Variants in PROSER2 observed in about 807,000 individuals in gnomAD.
The protein encoded by PROSER2 is proline and serine rich 2.
A neutral mutation model predicts 14.6 loss-of-function variants in PROSER2; 18 were observed. The ratio of observed to expected loss-of-function variants is 1.23; its 90% CI spans 0.85 to 1.83. The LOEUF is 1.83. Among genes scored for constraint, PROSER2 ranks in the 40% most tolerant of loss-of-function variants. The pLI, the probability that PROSER2 is intolerant of heterozygous loss-of-function variation, is 0.00. For missense variants in PROSER2, 823 were observed against 629.8 expected (o/e 1.31, Z -3.28); for synonymous variants, 367 against 286.4 (o/e 1.28, Z -2.84).
intron 1 of PROSER2, among the ~76,000 whole-genome samples, chr10:11,829,306 C>G (rs574059118): frequency 6.6e-6 from 1 of 151,182 alleles, no homozygotes; most frequent in African/African-American, 2.4e-5. Context: ...ATTACATACC[C>G]GGGCATGCTA....
At position 11,870,056 on chromosome 10, in the gene PROSER2, CG is replaced by C; in HGVS notation, c.962del (p.Gly321AlafsTer32). On this transcript the variant is annotated frameshift_variant, in exon 4 of 4. Transcript: ENST00000277570. LOFTEE classifies it low-confidence loss of function (END_TRUNC). Reference sequence around the variant, plus strand: ...CTCCCCGGAGCGGGTGGCGCGTGGCCGGGGCCTGCCGGGCCCCGCTGAGAGT... The same window carrying C: ...CTCCCCGGAGCGGGTGGCGCGTGGCCGGGCCTGCCGGGCCCCGCTGAGAGT... ...GSSPERVARG[R>X]GLPGPAESLR... 1 of 1,241,820 alleles carries C rather than the reference CG, an allele frequency of 8.1e-7. No homozygotes were observed. Among genetic ancestry groups the C allele is most frequent in the Non-Finnish European group, 1.0e-6 (1 of 993,088 alleles). The allele number at this position is 1,241,820 out of a possible 1,614,324, so 76.9% of individuals were successfully genotyped here. A position where few individuals can be genotyped will look rare whatever the true frequency, so the allele number is the denominator to read the frequency against.
intron 2 of PROSER2, among the ~76,000 whole-genome samples, chr10:11,852,419 C>T (rs192040331): frequency 6.6e-6 from 1 of 152,160 alleles, no homozygotes; most frequent in Non-Finnish European, 1.5e-5. Flanking sequence ...AGCCATGGAG[C>T]AAATCCCTCG....
At chr10:11,839,714 A>G (rs1441389838) in intron 1 of PROSER2, among the ~76,000 whole-genome samples, 2 of 151,004 alleles carry the variant, frequency 1.3e-5, no homozygotes, top group African/African-American at 4.9e-5. Flanking sequence ...AATCCCAGCT[A>G]CTCGGGAGGC....
chr10:11,827,452 C>T (rs1833631638), intron 1 of PROSER2, among the ~76,000 whole-genome samples: 2 of 152,080 alleles, frequency 1.3e-5, no homozygotes, highest in African/African-American at 2.4e-5. Flanking sequence ...CCTAAAGCTT[C>T]ATTCTGTTGT....
Position 11,866,801 on chromosome 10 carries a change from C to T in PROSER2, c.391+18C>T. 1 of 1,603,236 alleles carries T rather than the reference C, an allele frequency of 6.2e-7. No homozygotes were observed. Among genetic ancestry groups the T allele is most frequent in the Non-Finnish European group, 8.5e-7 (1 of 1,176,874 alleles). ...GGCAGCAGGTGAGGGGGAAGACAGGCCATCCCTGGGATGTGGTTTCCTGGT... is the reference window on the plus strand; with the variant it reads ...GGCAGCAGGTGAGGGGGAAGACAGGTCATCCCTGGGATGTGGTTTCCTGGT... On this transcript the variant is annotated intron_variant, in intron 3 of 3. Coordinates refer to ENST00000277570, the MANE Select transcript of PROSER2 (RefSeq NM_153256.4). The surrounding 1 kb of genome is among the most constrained non-coding windows in gnomAD (Gnocchi z 6.0).
At chr10:11,858,797 T>G (rs1588496242) in intron 2 of PROSER2, among the ~76,000 whole-genome samples, 1 of 148,566 alleles carries the variant, frequency 6.7e-6, no homozygotes, top group African/African-American at 2.5e-5. Flanking sequence ...GATCACAAGG[T>G]CAGGAGTTCG....
intron 2 of PROSER2, among the ~76,000 whole-genome samples, chr10:11,861,554 C>T (rs985562469): frequency 1.3e-5 from 2 of 152,078 alleles, no homozygotes; most frequent in Non-Finnish European, 2.9e-5. Context: ...GAGATGCAGC[C>T]GTGCACGGAT....
intron 1 of PROSER2, among the ~76,000 whole-genome samples, chr10:11,834,377 C>G (rs1833729585): frequency 6.6e-6 from 1 of 152,038 alleles, no homozygotes; most frequent in South Asian, 2.1e-4. Flanking sequence ...TCTAGAGAGA[C>G]ACTTTTTAAA....
intron 1 of PROSER2, among the ~76,000 whole-genome samples, chr10:11,826,823 G>A (rs1045624060): frequency 5.3e-5 from 8 of 151,136 alleles, no homozygotes; most frequent in South Asian, 2.1e-4. Context: ...CTCGTGATCC[G>A]CCGGCTTCGG....
intron 3 of PROSER2, among the ~76,000 whole-genome samples, chr10:11,868,152 C>T (rs1296830504): frequency 6.6e-6 from 1 of 152,160 alleles, no homozygotes. Context: ...AAATAGAGTT[C>T]CAAAAGTAAT....
At position 11,862,990 on chromosome 10, in the gene PROSER2, A is replaced by T. The variant is rs1834272934; in HGVS notation, c.139-3541A>T. ...TCGGAAAGCTGTGTCCACCCACCCA[A>T]GCAGACACACATCTTCAGACCCGGC... On this transcript the variant is annotated intron_variant, in intron 2 of 3. Coordinates refer to ENST00000277570, the MANE Select transcript of PROSER2 (RefSeq NM_153256.4). This position sits in a 1 kb window ranked among gnomAD's most constrained non-coding sequence, Gnocchi z 4.2. 1 of 152,158 alleles carries T rather than the reference A, an allele frequency of 6.6e-6. No individual in the cohort carries two copies. The highest frequency in any genetic ancestry group is 1.5e-5 in the Non-Finnish European group (1 of 68,020). 9.4% of individuals were successfully genotyped at this position (152,158 alleles called of 1,614,324 possible). A position where few individuals can be genotyped will look rare whatever the true frequency, so the allele number is the denominator to read the frequency against.
chr10:11,849,051 G>T (rs903825126), intron 1 of PROSER2, among the ~76,000 whole-genome samples: 1 of 150,262 alleles, frequency 6.7e-6, no homozygotes, highest in Non-Finnish European at 1.5e-5. Context: ...GCTGGGCGTG[G>T]TGGCGCATGC....
chr10:11,857,179 G>C (rs1196784733), intron 2 of PROSER2: 1 of 152,152 alleles, frequency 6.6e-6, no homozygotes, highest in Non-Finnish European at 1.5e-5. Context: ...GGGTCTCGGA[G>C]CGCCTCAAAT....
chr10:11,838,079 T>C lies in PROSER2; in HGVS notation c.-81-13918T>C, dbSNP rs370330518. 6.6e-6 allele frequency among the ~76,000 whole-genome samples: 1 copy of C among 152,152 alleles called. No homozygotes were observed. The highest frequency in any genetic ancestry group is 2.4e-5 in the African/African-American group (1 of 41,428). ...TGAAATGACCTGATAAATCATTTCT[T>C]TAACCTCCAGGAAACCTTTCCTTTC... On this transcript the variant is annotated intron_variant, in intron 1 of 3. Coordinates refer to ENST00000277570, the MANE Select transcript of PROSER2 (RefSeq NM_153256.4). The surrounding 1 kb of genome is among the most constrained non-coding windows in gnomAD (Gnocchi z 4.4).
chr10:11,837,138 A>G lies in PROSER2; in HGVS notation c.-82+13668A>G. 6.6e-6 allele frequency among the ~76,000 whole-genome samples: 1 copy of G among 152,120 alleles called. No individual in the cohort carries two copies. The highest frequency in any genetic ancestry group is 1.5e-5 in the Non-Finnish European group (1 of 68,040). On this transcript the variant is annotated intron_variant, in intron 1 of 3. Coordinates refer to ENST00000277570, the MANE Select transcript of PROSER2 (RefSeq NM_153256.4). This position sits in a 1 kb window ranked among gnomAD's most constrained non-coding sequence, Gnocchi z 4.6. ...AGAAGAGGCATGATGCTGGCTGGTAATTTGTATATGCTGAAGAGAAGCTAC... is the reference window on the plus strand; with the variant it reads ...AGAAGAGGCATGATGCTGGCTGGTAGTTTGTATATGCTGAAGAGAAGCTAC...
At chr10:11,846,600 G>C (rs1231205560) in intron 1 of PROSER2, among the ~76,000 whole-genome samples, 1 of 152,048 alleles carries the variant, frequency 6.6e-6, no homozygotes, top group Non-Finnish European at 1.5e-5. Flanking sequence ...TTATTTTTTA[G>C]GTCGATAGCA....
In PROSER2 at chr10:11,870,153, T is replaced by TG. The variant is rs1420315312; in HGVS notation, c.1056dup (p.Lys353GlufsTer140). 17 of 1,455,440 alleles carry TG rather than the reference T, an allele frequency of 1.2e-5. No homozygotes were observed. Among genetic ancestry groups the TG allele is most frequent in the Non-Finnish European group, 1.3e-5 (14 of 1,111,140 alleles). The allele number at this position is 1,455,440 out of a possible 1,614,324, so 90.2% of individuals were successfully genotyped here. A position where few individuals can be genotyped will look rare whatever the true frequency, so the allele number is the denominator to read the frequency against. Reference sequence around the variant, plus strand: ...GGCTTCCCAAGTGCGCACGAGGCCCTGAAGAGCGCACCCAGCTCCTTCGCG... The same window carrying TG: ...GGCTTCCCAAGTGCGCACGAGGCCCTGGAAGAGCGCACCCAGCTCCTTCGCG... On this transcript the variant is annotated frameshift_variant, in exon 4 of 4. Transcript: ENST00000277570. LOFTEE classifies it low-confidence loss of function (END_TRUNC).
intron 1 of PROSER2, among the ~76,000 whole-genome samples, chr10:11,828,465 G>A (rs548841079): frequency 1.3e-5 from 2 of 152,222 alleles, no homozygotes; most frequent in Admixed American, 1.3e-4. Context: ...ACTATGGGAG[G>A]CCAAGGCAGG....
chr10:11,828,682 G>A lies in PROSER2; in HGVS notation c.-82+5212G>A, dbSNP rs1482758673. The stretch of plus-strand genomic sequence containing the variant: ...CACGCCACTACACTCCAACCTGGAC[G>A]ACAGAGCGAGACTTTATCTCCAAAA... On this transcript the variant is annotated intron_variant, in intron 1 of 3. Coordinates refer to ENST00000277570, the MANE Select transcript of PROSER2 (RefSeq NM_153256.4). Among the ~76,000 whole-genome samples, 8 of 152,130 alleles carry A rather than the reference G, an allele frequency of 5.3e-5. No homozygotes were observed. In the East Asian group the frequency reaches 5.8e-4, roughly 11 times the overall value.
Sources: gnomAD v4.1 joint callset for allele counts (sites outside exome capture counted in the v4.1 genomes callset) on GRCh38, gnomAD v4.1.1 for gene constraint, Gnocchi (gnomAD v3.1) non-coding constraint, MANE v1.5 for transcripts, NCBI Gene and HGNC (gene_info 2026-07-23, HGNC 2026-07-21) for gene names.